The following CPNE8 variants were observed in gnomAD, a reference collection of about 807,000 sequenced individuals.
CPNE8 encodes the protein copine-8.
CPNE8 carries 45 observed loss-of-function variants against 81.5 expected under a neutral mutation model. The ratio of observed to expected loss-of-function variants is 0.55; its 90% CI spans 0.44 to 0.71. CPNE8 has a LOEUF of 0.71. Ranked by LOEUF, CPNE8 falls within the 30% of genes least tolerant of loss-of-function variation. CPNE8 has a pLI of 0.00. For missense variants in CPNE8, 594 were observed against 672.1 expected (o/e 0.88, Z 1.28); for synonymous variants, 252 against 226.3 (o/e 1.11, Z -1.02).
chr12:38,683,069 G>A (rs1198502904), intron 16 of CPNE8, among the ~76,000 whole-genome samples: 1 of 152,132 alleles, frequency 6.6e-6, no homozygotes, highest in African/African-American at 2.4e-5. Flanking sequence ...TAAATTTGAT[G>A]CTTTGAGTCT....
intron 13 of CPNE8, among the ~76,000 whole-genome samples, chr12:38,718,192 G>A (rs1359225527): frequency 6.6e-6 from 1 of 152,110 alleles, no homozygotes; most frequent in Non-Finnish European, 1.5e-5. Flanking sequence ...GGGCATAATG[G>A]CCAGATGGGC....
At chr12:38,813,419 T>C (rs1942969716) in intron 6 of CPNE8, among the ~76,000 whole-genome samples, 1 of 152,216 alleles carries the variant, frequency 6.6e-6, no homozygotes, top group Non-Finnish European at 1.5e-5. Flanking sequence ...TCTGGCTATC[T>C]AACCTAGAAA....
At chr12:38,735,956 G>A (rs1402889202) in intron 10 of CPNE8, among the ~76,000 whole-genome samples, 1 of 151,702 alleles carries the variant, frequency 6.6e-6, no homozygotes, top group Non-Finnish European at 1.5e-5. Context: ...CAGCTTTGCT[G>A]ATATTTTAAA....
rs560828666 is a variant in CPNE8, at chr12:38,780,484, A to T, written c.408-4183T>A. Among the ~76,000 whole-genome samples the T allele has an allele frequency of 3.3e-5, 5 of 152,244 alleles. No homozygotes were observed. The South Asian group carries it at 8.3e-4, about 25-fold the overall frequency. ...AATGGTGAACCACCTCAATTTCTAG[A>T]TTCAGAAAGCTCAGTGAATCCCAAG... On this transcript the variant is annotated intron_variant, in intron 6 of 19. Coordinates refer to ENST00000331366, the MANE Select transcript of CPNE8 (RefSeq NM_153634.3).
At chr12:38,685,071 G>A (rs1592008528) in intron 16 of CPNE8, among the ~76,000 whole-genome samples, 2 of 152,032 alleles carry the variant, frequency 1.3e-5, no homozygotes, top group Admixed American at 6.5e-5. Context: ...CCTATATGTC[G>A]TTGACAGCTT....
intron 5 of CPNE8, among the ~76,000 whole-genome samples, chr12:38,839,294 G>A (rs1943431531): frequency 6.6e-6 from 1 of 151,874 alleles, no homozygotes; most frequent in Non-Finnish European, 1.5e-5. Flanking sequence ...TAGCTCTGAT[G>A]CCCAACTACT....
chr12:38,800,991 G>C (rs1169100758), intron 6 of CPNE8, among the ~76,000 whole-genome samples: 1 of 150,204 alleles, frequency 6.7e-6, no homozygotes, highest in African/African-American at 2.5e-5. Flanking sequence ...AAGCCTCCAA[G>C]AAATATGGGA....
At chr12:38,685,642 AAAC>A in intron 15 of CPNE8, 25 bp from the exon 16 acceptor site, 1 of 1,605,504 alleles carries the variant, frequency 6.2e-7, no homozygotes, top group South Asian at 1.1e-5. Flanking sequence ...AGGCAAAACA[AAAC>A]AAAACAACAG....
chr12:38,823,353 T>C (rs1031794802), intron 6 of CPNE8, among the ~76,000 whole-genome samples: 1 of 152,050 alleles, frequency 6.6e-6, no homozygotes, highest in African/African-American at 2.4e-5. Flanking sequence ...TACAAGCTGG[T>C]TTTTCAATTA....
At chr12:38,704,365 T>G (rs946934042) in intron 13 of CPNE8, among the ~76,000 whole-genome samples, 1 of 152,164 alleles carries the variant, frequency 6.6e-6, no homozygotes, top group Non-Finnish European at 1.5e-5. Context: ...TGTGTTTGTG[T>G]GTATATGTAT....
At chr12:38,807,024 C>T (rs1942824602) in intron 6 of CPNE8, among the ~76,000 whole-genome samples, 1 of 152,088 alleles carries the variant, frequency 6.6e-6, no homozygotes, top group South Asian at 2.1e-4. Flanking sequence ...GAATAAAATA[C>T]CTAGTAATCC....
intron 6 of CPNE8, among the ~76,000 whole-genome samples, chr12:38,809,832 C>G (rs1172529154): frequency 6.6e-6 from 1 of 152,128 alleles, no homozygotes; most frequent in Admixed American, 6.6e-5. Context: ...CATCAGGGAC[C>G]TGTGGCTGTA....
chr12:38,901,078 G>A (rs954470997), intron 1 of CPNE8, among the ~76,000 whole-genome samples: 3 of 152,104 alleles, frequency 2.0e-5, no homozygotes, highest in Non-Finnish European at 4.4e-5. Flanking sequence ...AAAATTAGCT[G>A]GGCGTGGTGG....
At chr12:38,792,549 T>C (rs1467021316) in intron 6 of CPNE8, among the ~76,000 whole-genome samples, 1 of 151,600 alleles carries the variant, frequency 6.6e-6, no homozygotes, top group Non-Finnish European at 1.5e-5. Flanking sequence ...AAAATCTAAA[T>C]AGACCAATAA....
rs887537978 is a variant in CPNE8 at position 38,871,993 on chromosome 12, G to T, written c.186+1011C>A. Among the ~76,000 whole-genome samples the T allele has an allele frequency of 2.6e-5, 4 of 152,064 alleles. No homozygotes were observed. The South Asian group carries it at 8.3e-4, about 32-fold the overall frequency. On this transcript the variant is annotated intron_variant, in intron 3 of 19. Transcript: ENST00000331366. Reference sequence around the variant, plus strand: ...TCTACCAAAAATACAAAATTAGCCGGGCATGGTGGCGCATGCCTGTAATCT... The same window carrying T: ...TCTACCAAAAATACAAAATTAGCCGTGCATGGTGGCGCATGCCTGTAATCT...
At chr12:38,802,869 C>G (rs1375753590) in intron 6 of CPNE8, among the ~76,000 whole-genome samples, 2 of 147,452 alleles carry the variant, frequency 1.4e-5, no homozygotes, top group African/African-American at 5.1e-5. Flanking sequence ...TCAGAGAATA[C>G]TACAAACACC....
At chr12:38,778,265 T>A (rs2136896634) in intron 6 of CPNE8, among the ~76,000 whole-genome samples, 1 of 152,268 alleles carries the variant, frequency 6.6e-6, no homozygotes, top group South Asian at 2.1e-4. Context: ...TTAGACCATC[T>A]AGGTTTGTGT....
intron 1 of CPNE8, among the ~76,000 whole-genome samples, chr12:38,899,157 T>A (rs1249822109): frequency 6.6e-6 from 1 of 151,722 alleles, no homozygotes; most frequent in Non-Finnish European, 1.5e-5. Flanking sequence ...CTAACAAGAG[T>A]GTTATGAACT....
chr12:38,661,685 A>G (rs192507703), intron 19 of CPNE8, among the ~76,000 whole-genome samples: 15 of 152,288 alleles, frequency 9.8e-5, no homozygotes, highest in African/African-American at 3.6e-4. Context: ...TACCAAAACC[A>G]GACAAGGACA....
Sources: gnomAD v4.1 joint callset for allele counts (sites outside exome capture counted in the v4.1 genomes callset) on GRCh38, gnomAD v4.1.1 for gene constraint, MANE v1.5 for transcripts, NCBI Gene and HGNC (gene_info 2026-07-23, HGNC 2026-07-21) for gene names.